Variants in BCAT1 observed in about 807,000 individuals in gnomAD.
BCAT1 encodes the protein branched-chain-amino-acid aminotransferase, cytosolic.
In BCAT1, 48 loss-of-function variants were observed where a neutral mutation model predicts 52.4. That is an observed-to-expected ratio of 0.92 (90% CI 0.73 to 1.16). The LOEUF (loss-of-function observed/expected upper bound fraction) is 1.16, where lower values mean the gene tolerates loss of function less well. Among genes scored for constraint, BCAT1 ranks in the 50% most tolerant of loss-of-function variants. The pLI is 0.00. For synonymous variants in BCAT1, 167 were observed against 161.3 expected (o/e 1.04, Z -0.27); for missense variants, 451 against 457.1 (o/e 0.99, Z 0.12).
chr12:24,935,499 C>A (rs1943739794), intron 1 of BCAT1, among the ~76,000 whole-genome samples: 1 of 152,150 alleles, frequency 6.6e-6, no homozygotes, highest in African/African-American at 2.4e-5. Flanking sequence ...CCTGCCACAG[C>A]CCCTAACCTA....
chr12:24,824,102 A>G (rs1476636073), intron 10 of BCAT1, among the ~76,000 whole-genome samples: 1 of 152,140 alleles, frequency 6.6e-6, no homozygotes, highest in Non-Finnish European at 1.5e-5. Flanking sequence ...TGAAAGCTTC[A>G]TGATCATGTC....
chr12:24,846,220 TTTTATG>T (rs1941340163), intron 6 of BCAT1, among the ~76,000 whole-genome samples: 1 of 152,198 alleles, frequency 6.6e-6, no homozygotes, highest in Non-Finnish European at 1.5e-5. Flanking sequence ...GAAAAGGGTT[TTTTATG>T]TTTAAGTTTT....
At chr12:24,899,167 C>T (rs1218967970) in intron 2 of BCAT1, among the ~76,000 whole-genome samples, 2 of 152,146 alleles carry the variant, frequency 1.3e-5, no homozygotes, top group Non-Finnish European at 2.9e-5. Context: ...TGTGTAACAA[C>T]GTATCTCATT....
chr12:24,899,843 A>T (rs1014486743), intron 2 of BCAT1, among the ~76,000 whole-genome samples: 1 of 151,432 alleles, frequency 6.6e-6, no homozygotes, highest in Non-Finnish European at 1.5e-5. Context: ...GCTAAAAAAA[A>T]AAGTTGATCT....
At chr12:24,887,387 A>G (rs550722041) in intron 3 of BCAT1, among the ~76,000 whole-genome samples, 6 of 152,220 alleles carry the variant, frequency 3.9e-5, no homozygotes, top group African/African-American at 1.2e-4. Context: ...AGCTCAAACA[A>G]TAAGGGGTAT....
At chr12:24,843,092 G>T (rs544779542) in intron 6 of BCAT1, among the ~76,000 whole-genome samples, 5 of 152,182 alleles carry the variant, frequency 3.3e-5, no homozygotes, top group African/African-American at 1.2e-4. Flanking sequence ...GTCAGGGATC[G>T]GGAATAAACT....
At chr12:24,846,473 C>T (rs886384547) in intron 6 of BCAT1, among the ~76,000 whole-genome samples, 1 of 152,112 alleles carries the variant, frequency 6.6e-6, no homozygotes, top group African/African-American at 2.4e-5. Context: ...GACATAGAAA[C>T]ATTTCAATAT....
In BCAT1 at chr12:24,836,101, C is replaced by T. The variant is rs139801403; in HGVS notation, c.903+410G>A. On this transcript the variant is annotated intron_variant, in intron 8 of 10. Transcript: ENST00000261192. ...TGTCAGTGAAATTATTTCATTTCTA[C>T]GGCAAGCATGGTTACACTGGTATAA... is the stretch of plus-strand genomic sequence containing the variant. Among the ~76,000 whole-genome samples, 382 of 152,198 alleles carry T rather than the reference C, an allele frequency of 2.5e-3. 2 individuals carry two copies. Among genetic ancestry groups the T allele is most frequent in the African/African-American group, 8.8e-3 (366 of 41,514 alleles).
At position 24,926,006 on chromosome 12, in the gene BCAT1, C is replaced by T. The variant is rs1046397720; in HGVS notation, c.6+22921G>A. On this transcript the variant is annotated intron_variant, in intron 1 of 10. Coordinates refer to ENST00000261192, the MANE Select transcript of BCAT1 (RefSeq NM_005504.7). ...GCCGAGATTGCAGCCTCTGCCCGGC[C>T]GCCACCCCATCTGGGAAGTGAGGAG... Among the ~76,000 whole-genome samples, 12 of 152,214 alleles carry T rather than the reference C, an allele frequency of 7.9e-5. No individual in the cohort carries two copies. The South Asian group carries it at 1.7e-3, about 21-fold the overall frequency.
intron 1 of BCAT1, among the ~76,000 whole-genome samples, chr12:24,938,969 G>A (rs1196824374): frequency 6.6e-6 from 1 of 152,124 alleles, no homozygotes; most frequent in Non-Finnish European, 1.5e-5. Context: ...CCACCTCCCA[G>A]GTTCAAGCAA....
chr12:24,863,387 C>T (rs1424706041), intron 5 of BCAT1, among the ~76,000 whole-genome samples: 1 of 152,076 alleles, frequency 6.6e-6, no homozygotes, highest in South Asian at 2.1e-4. Context: ...TCCATATGTA[C>T]AATACAAAGA....
At chr12:24,932,850 C>T (rs903496613) in intron 1 of BCAT1, among the ~76,000 whole-genome samples, 4 of 152,028 alleles carry the variant, frequency 2.6e-5, no homozygotes, top group East Asian at 1.9e-4. Context: ...CTCGCTCCGT[C>T]GCCCAGGCTG....
chr12:24,902,914 C>A, intron 1 of BCAT1: 1 of 1,511,622 alleles, frequency 6.6e-7, no homozygotes, highest in Non-Finnish European at 8.8e-7. Flanking sequence ...TTCCAATCCT[C>A]CCCCCTTCCG....
chr12:24,867,882 G>A (rs968642947), intron 5 of BCAT1, among the ~76,000 whole-genome samples: 5 of 152,148 alleles, frequency 3.3e-5, no homozygotes, highest in African/African-American at 1.2e-4. Context: ...GCACATGCCT[G>A]TAATCCCAGC....
At chr12:24,828,711 C>G (rs755274448) in intron 10 of BCAT1, among the ~76,000 whole-genome samples, 1 of 152,122 alleles carries the variant, frequency 6.6e-6, no homozygotes, top group Non-Finnish European at 1.5e-5. Context: ...AAATAACTAT[C>G]TAAAAGTATA....
intron 1 of BCAT1, among the ~76,000 whole-genome samples, chr12:24,945,048 T>C (rs1943914967): frequency 1.3e-5 from 2 of 152,230 alleles, no homozygotes; most frequent in African/African-American, 4.8e-5. Flanking sequence ...CATAAGGTAA[T>C]CTAATTTCCA....
intron 1 of BCAT1, chr12:24,903,287 G>T (rs1943167183): frequency 2.5e-6 from 1 of 396,320 alleles, no homozygotes; most frequent in Non-Finnish European, 4.3e-6. Context: ...ACGAACGAGC[G>T]CCTTTCCAAG....
intron 3 of BCAT1, among the ~76,000 whole-genome samples, chr12:24,888,186 T>C (rs1026188817): frequency 6.6e-6 from 1 of 152,058 alleles, no homozygotes. Flanking sequence ...AATCCCTGCC[T>C]AACTTTCCAT....
intron 1 of BCAT1, among the ~76,000 whole-genome samples, chr12:24,921,555 AGCCCAATATAT>A (rs1464652542): frequency 1.3e-5 from 2 of 152,240 alleles, no homozygotes; most frequent in Non-Finnish European, 2.9e-5. Flanking sequence ...CAGTAATGTA[AGCCCAATATAT>A]GCCAGTCTCA....
Sources: allele counts gnomAD v4.1 joint callset (sites outside exome capture counted in the v4.1 genomes callset), GRCh38; gene constraint gnomAD v4.1.1; transcripts MANE v1.5; gene names NCBI Gene and HGNC (gene_info 2026-07-23, HGNC 2026-07-21).